The following DCAF5 variants were observed in gnomAD, a reference collection of about 807,000 sequenced individuals.
The protein encoded by DCAF5 is DDB1- and CUL4-associated factor 5.
Under a neutral mutation model 80.7 loss-of-function variants are expected in DCAF5, and 9 were observed. That is an observed-to-expected ratio of 0.11 (90% CI 0.07 to 0.19). DCAF5 has a LOEUF of 0.19. Among genes scored for constraint, DCAF5 ranks in the 10% least tolerant of loss-of-function variants. The probability of loss-of-function intolerance (pLI) is 1.00; values close to 1 mark genes in which losing one functional copy is unlikely to be tolerated. For missense variants in DCAF5, 842 were observed against 1,205.7 expected, an observed-to-expected ratio of 0.70 and a Z score of 4.47; for synonymous variants, 433 against 461.9, an observed-to-expected ratio of 0.94 and a Z score of 0.80.
chr14:69,105,829 T>C (rs2040118431), intron 5 of DCAF5, among the ~76,000 whole-genome samples: 1 of 147,606 alleles, frequency 6.8e-6, no homozygotes, highest in Non-Finnish European at 1.5e-5. Context: ...CTGACCACTC[T>C]ACTGGCTTTT....
At chr14:69,148,043 T>G (rs896525219) in intron 1 of DCAF5, among the ~76,000 whole-genome samples, 1 of 142,028 alleles carries the variant, frequency 7.0e-6, no homozygotes, top group African/African-American at 2.7e-5. Context: ...CAAATGCACA[T>G]AGAGATACAT....
chr14:69,076,331 T>C (rs1358498121), intron 6 of DCAF5, among the ~76,000 whole-genome samples: 1 of 152,214 alleles, frequency 6.6e-6, no homozygotes, highest in East Asian at 1.9e-4. Flanking sequence ...AAGAGATATC[T>C]GTATACCCAT....
chr14:69,125,557 C>T (rs911037623), intron 1 of DCAF5, among the ~76,000 whole-genome samples: 2 of 152,096 alleles, frequency 1.3e-5, no homozygotes, highest in African/African-American at 2.4e-5. Flanking sequence ...GGGAAATGTA[C>T]GTTATAATTT....
chr14:69,113,475 A>G (rs548203022), intron 5 of DCAF5, among the ~76,000 whole-genome samples: 1 of 152,200 alleles, frequency 6.6e-6, no homozygotes, highest in African/African-American at 2.4e-5. Context: ...CACAAGCCAT[A>G]CAATTTTACC....
intron 5 of DCAF5, among the ~76,000 whole-genome samples, chr14:69,099,351 T>C (rs1370182862): frequency 6.8e-6 from 1 of 147,960 alleles, no homozygotes; most frequent in East Asian, 2.0e-4. Context: ...CTCTTAACAT[T>C]TGTCTACCCA....
chr14:69,069,432 T>C (rs1431405495), intron 7 of DCAF5, among the ~76,000 whole-genome samples: 1 of 152,160 alleles, frequency 6.6e-6, no homozygotes, highest in Non-Finnish European at 1.5e-5. Context: ...AAGGAGTTAT[T>C]AAAAGGTGAG....
chr14:69,072,588 A>G (rs1408990339), intron 7 of DCAF5, among the ~76,000 whole-genome samples: 2 of 143,580 alleles, frequency 1.4e-5, no homozygotes, highest in Non-Finnish European at 3.0e-5. Flanking sequence ...TAGCCACTGC[A>G]CTCTAGCCTG....
intron 5 of DCAF5, among the ~76,000 whole-genome samples, chr14:69,110,130 TC>T (rs1273963699): frequency 6.6e-6 from 1 of 152,178 alleles, no homozygotes; most frequent in Non-Finnish European, 1.5e-5. Flanking sequence ...AAGTACCTGT[TC>T]AACATTTCTG....
At position 69,109,801 on chromosome 14, in the gene DCAF5, TG is replaced by T. The variant is rs1352189415; in HGVS notation, c.665+6564del. On this transcript the variant is annotated intron_variant, in intron 5 of 8. Coordinates refer to ENST00000341516, the MANE Select transcript of DCAF5 (RefSeq NM_003861.3). The stretch of plus-strand genomic sequence containing the variant: ...CTGTAAATGTTCCTGTACATGTCTT[TG>T]GTGGAAATAGGTACTCATTTCTCTT... Among the ~76,000 whole-genome samples, 4 of 152,222 alleles carry T rather than the reference TG, an allele frequency of 2.6e-5. No individual in the cohort carries two copies. The South Asian group carries it at 8.3e-4, about 32-fold the overall frequency.
chr14:69,116,228 G>C, intron 5 of DCAF5, 138 bp downstream of exon 5: 2 of 1,031,928 alleles, frequency 1.9e-6, no homozygotes, highest in Non-Finnish European at 2.8e-6. Context: ...CTCCTGGCTT[G>C]AGAGACACTA....
chr14:69,117,736 T>C (rs1395631016), intron 4 of DCAF5, among the ~76,000 whole-genome samples: 1 of 152,212 alleles, frequency 6.6e-6, no homozygotes, highest in Non-Finnish European at 1.5e-5. Context: ...TTTAAGATCC[T>C]ATACACAGGT....
At chr14:69,059,650 C>A (rs1339362370) in intron 8 of DCAF5, among the ~76,000 whole-genome samples, 2 of 152,204 alleles carry the variant, frequency 1.3e-5, no homozygotes, top group African/African-American at 4.8e-5. Context: ...CCATTGGTCT[C>A]ATCCTTCTCC....
intron 5 of DCAF5, among the ~76,000 whole-genome samples, chr14:69,104,163 A>G (rs1323799277): frequency 1.3e-5 from 2 of 152,230 alleles, no homozygotes; most frequent in Non-Finnish European, 2.9e-5. Context: ...TATATAAAGG[A>G]ACTACAAACT....
intron 1 of DCAF5, among the ~76,000 whole-genome samples, chr14:69,145,313 T>C (rs1460723735): frequency 6.6e-6 from 1 of 152,172 alleles, no homozygotes; most frequent in Non-Finnish European, 1.5e-5. Context: ...CTACTGCACC[T>C]GGCCTTAATT....
chr14:69,132,499 C>A (rs576976340), intron 1 of DCAF5, among the ~76,000 whole-genome samples: 2 of 152,272 alleles, frequency 1.3e-5, no homozygotes, highest in East Asian at 3.9e-4. Flanking sequence ...CTTTTCTATT[C>A]ACTCACCCCA....
Position 69,118,232 on chromosome 14 carries a change from A to C in DCAF5, c.442T>G (p.Leu148Val). Residue 148 changes from leucine (L) to valine (V), a missense_variant, in exon 4 of 9, where the codon TTG (leucine) becomes GTG (valine). Physicochemically the swap from Leu to Val is conservative, Grantham distance 32 (BLOSUM62 1). Around this residue, in one of 5 missense-constraint regions of DCAF5, gnomAD observed 142 missense variants for 311.9 expected, o/e 0.46. Coordinates refer to ENST00000341516, the MANE Select transcript of DCAF5 (RefSeq NM_003861.3). This position sits in a 1 kb window ranked among gnomAD's most constrained non-coding sequence, Gnocchi z 4.0. ...VFAHEDAVYGLSVSPVNDNIF... is the reference protein window; with the variant it reads ...VFAHEDAVYGVSVSPVNDNIF... ...TTGTCATTCACTGGGCTCACAGACA[A>C]GCCATATACTGCATCTTCATGAGCA... 6.2e-7 allele frequency: 1 copy of C among 1,613,974 alleles called. No individual in the cohort carries two copies. The highest frequency in any genetic ancestry group is 2.2e-5 in the East Asian group (1 of 44,880).
intron 5 of DCAF5, among the ~76,000 whole-genome samples, chr14:69,098,631 C>A (rs2039820670): frequency 6.6e-6 from 1 of 151,658 alleles, no homozygotes; most frequent in Non-Finnish European, 1.5e-5. Context: ...CGCCTGTAAT[C>A]CCAGCACTTT....
In DCAF5 at chr14:69,149,189, C is replaced by T. The variant is rs149917315; in HGVS notation, c.214+3576G>A. ...AGGTGCCAATATTCCAACTGTATACCTCAGAAAACACATTCAGAGAGGCTT... is the reference window on the plus strand; with the variant it reads ...AGGTGCCAATATTCCAACTGTATACTTCAGAAAACACATTCAGAGAGGCTT... On this transcript the variant is annotated intron_variant, in intron 1 of 8. Coordinates refer to ENST00000341516, the MANE Select transcript of DCAF5 (RefSeq NM_003861.3). Among the ~76,000 whole-genome samples, 843 of 152,266 alleles carry T rather than the reference C, an allele frequency of 5.5e-3. 6 individuals are homozygous for T. Among genetic ancestry groups the T allele is most frequent in the Non-Finnish European group, 7.3e-3 (496 of 68,026 alleles).
At chr14:69,063,159 G>A (rs919102252) in intron 7 of DCAF5, among the ~76,000 whole-genome samples, 1 of 152,166 alleles carries the variant, frequency 6.6e-6, no homozygotes, top group East Asian at 1.9e-4. Flanking sequence ...GAATTAGAGA[G>A]TGGGCCTTAA....
Sources: gnomAD v4.1 joint callset for allele counts (sites outside exome capture counted in the v4.1 genomes callset) on GRCh38, gnomAD v4.1.1 for gene constraint, gnomAD v4.1.1 regional missense constraint, Gnocchi (gnomAD v3.1) non-coding constraint, MANE v1.5 for transcripts, NCBI Gene and HGNC (gene_info 2026-07-23, HGNC 2026-07-21) for gene names.